AGMO: variants seen among roughly 807,000 people sequenced by gnomAD.
AGMO encodes the protein glyceryl-ether monooxygenase.
In AGMO, 75 loss-of-function variants were observed where a neutral mutation model predicts 60.2. The ratio of observed to expected loss-of-function variants is 1.25; its 90% CI spans 1.03 to 1.51. The LOEUF (loss-of-function observed/expected upper bound fraction) is 1.51. AGMO is among the 40% of genes most tolerant of loss of function. The pLI, the probability that AGMO is intolerant of heterozygous loss-of-function variation, is 0.00. For missense variants in AGMO, 763 were observed against 525.5 expected (o/e 1.45, Z -4.42); for synonymous variants, 261 against 177.1 (o/e 1.47, Z -3.76).
Position 15,380,979 on chromosome 7 carries a change from T to C in AGMO, c.1074+4467A>G, listed in dbSNP as rs144944867. On this transcript the variant is annotated intron_variant, in intron 10 of 12. Transcript: ENST00000342526. ...TGGTGCTGGGATAACTGCCTAGCCA[T>C]ATGCAGAAGATTCAAACTGGACCCC... 5.3e-5 allele frequency among the ~76,000 whole-genome samples: 8 copies of C among 152,312 alleles called. No homozygotes were observed. The East Asian group carries it at 1.3e-3, about 26-fold the overall frequency.
chr7:15,402,516 C>T (rs528612469), intron 5 of AGMO, among the ~76,000 whole-genome samples: 15 of 150,550 alleles, frequency 1.0e-4, no homozygotes, highest in Non-Finnish European at 2.2e-4. Context: ...AAGATATTCC[C>T]ATATTCTCAT....
At chr7:15,345,756 C>T (rs1443263907) in intron 12 of AGMO, among the ~76,000 whole-genome samples, 2 of 152,136 alleles carry the variant, frequency 1.3e-5, no homozygotes. Flanking sequence ...CTGCAGAAAG[C>T]TTGATAACTT....
intron 12 of AGMO, among the ~76,000 whole-genome samples, chr7:15,334,863 T>C (rs1164622369): frequency 6.6e-6 from 1 of 152,164 alleles, no homozygotes; most frequent in Non-Finnish European, 1.5e-5. Context: ...GAGCAAAACC[T>C]AGCTATAAAT....
At chr7:15,304,421 A>G (rs1485739772) in intron 12 of AGMO, among the ~76,000 whole-genome samples, 1 of 152,106 alleles carries the variant, frequency 6.6e-6, no homozygotes, top group African/African-American at 2.4e-5. Context: ...AATTTTGGGT[A>G]CAATCTCAAA....
intron 12 of AGMO, among the ~76,000 whole-genome samples, chr7:15,208,448 A>G (rs1268507602): frequency 6.6e-6 from 1 of 152,152 alleles, no homozygotes; most frequent in Non-Finnish European, 1.5e-5. Context: ...ATGAGAAGAA[A>G]ATTTTTTAAA....
At chr7:15,368,628 T>C (rs959216729) in intron 10 of AGMO, among the ~76,000 whole-genome samples, 3 of 151,968 alleles carry the variant, frequency 2.0e-5, no homozygotes, top group African/African-American at 4.8e-5. Flanking sequence ...TGGCACAGAG[T>C]AAAAAAGTCA....
At chr7:15,432,260 GGTACATA>G (rs1026231600) in intron 3 of AGMO, among the ~76,000 whole-genome samples, 1 of 149,874 alleles carries the variant, frequency 6.7e-6, no homozygotes, top group African/African-American at 2.4e-5. Flanking sequence ...TAAAATGCAT[GGTACATA>G]GTAGAATAAT....
At chr7:15,175,014 C>A in the AGMO span, among the ~76,000 whole-genome samples, 1 of 151,406 alleles carries the variant, frequency 6.6e-6, no homozygotes, top group Non-Finnish European at 1.5e-5. Flanking sequence ...CAATATATAT[C>A]CTTTAAAACT....
intron 12 of AGMO, among the ~76,000 whole-genome samples, chr7:15,334,984 G>A (rs1781609232): frequency 6.6e-6 from 1 of 152,074 alleles, no homozygotes; most frequent in Non-Finnish European, 1.5e-5. Context: ...TGTCTGTTTG[G>A]ATTTTTATTG....
chr7:15,266,326 T>A (rs1445179538), intron 12 of AGMO, among the ~76,000 whole-genome samples: 1 of 151,946 alleles, frequency 6.6e-6, no homozygotes, highest in Non-Finnish European at 1.5e-5. Flanking sequence ...TAAATGTACA[T>A]CCTCTCATTG....
chr7:15,165,136 A>G, the AGMO span, among the ~76,000 whole-genome samples: 1 of 152,206 alleles, frequency 6.6e-6, no homozygotes, highest in African/African-American at 2.4e-5. Flanking sequence ...TTCAAGATAT[A>G]GACAAATATC....
chr7:15,448,456 C>T (rs1781762704), intron 3 of AGMO, among the ~76,000 whole-genome samples: 1 of 152,100 alleles, frequency 6.6e-6, no homozygotes, highest in South Asian at 2.1e-4. Context: ...AAAAAATAAA[C>T]TTCTAATGTT....
At chr7:15,386,622 A>T (rs1488201374) in intron 9 of AGMO, among the ~76,000 whole-genome samples, 1 of 152,216 alleles carries the variant, frequency 6.6e-6, no homozygotes, top group Non-Finnish European at 1.5e-5. Context: ...GGATTTTTTC[A>T]AAATAACAGT....
chr7:15,351,826 T>C (rs1203520144), intron 12 of AGMO, among the ~76,000 whole-genome samples: 2 of 152,216 alleles, frequency 1.3e-5, no homozygotes, highest in East Asian at 3.8e-4. Flanking sequence ...AAATTATTTT[T>C]AAATCTGTTT....
Position 15,451,045 on chromosome 7 carries a change from T to A in AGMO, c.410-19937A>T, listed in dbSNP as rs562738580. On this transcript the variant is annotated intron_variant, in intron 3 of 12. Coordinates refer to ENST00000342526, the MANE Select transcript of AGMO (RefSeq NM_001004320.2). ...TAAATATGTTAGAAAAATTGCCTATTGTCACATTTTATTATATGAAAATTA... is the reference window on the plus strand; with the variant it reads ...TAAATATGTTAGAAAAATTGCCTATAGTCACATTTTATTATATGAAAATTA... Among the ~76,000 whole-genome samples, 3 of 146,510 alleles carry A rather than the reference T, an allele frequency of 2.0e-5. No homozygotes were observed. In the Admixed American group the frequency reaches 2.1e-4, roughly 10 times the overall value.
intron 2 of AGMO, among the ~76,000 whole-genome samples, chr7:15,558,842 T>A (rs899731873): frequency 6.6e-6 from 1 of 152,132 alleles, no homozygotes; most frequent in African/African-American, 2.4e-5. Context: ...TGTTATTTTT[T>A]AAAAATCCAC....
chr7:15,212,358 G>C (rs1026517217), intron 12 of AGMO, among the ~76,000 whole-genome samples: 2 of 151,418 alleles, frequency 1.3e-5, no homozygotes, highest in African/African-American at 2.4e-5. Context: ...GTCTCTATTA[G>C]GTTGTATTCA....
chr7:15,516,492 G>A (rs1783809495), intron 3 of AGMO, among the ~76,000 whole-genome samples: 1 of 151,976 alleles, frequency 6.6e-6, no homozygotes, highest in African/African-American at 2.4e-5. Context: ...ACTGTTAAAT[G>A]GTTTAAAAAG....
At chr7:15,386,124 T>G (rs1381705478) in intron 9 of AGMO, among the ~76,000 whole-genome samples, 1 of 151,568 alleles carries the variant, frequency 6.6e-6, no homozygotes, top group Non-Finnish European at 1.5e-5. Context: ...GAGGCTGCAG[T>G]GAGCCAGGAC....
Sources: allele counts gnomAD v4.1 joint callset (sites outside exome capture counted in the v4.1 genomes callset), GRCh38; gene constraint gnomAD v4.1.1; transcripts MANE v1.5; gene names NCBI Gene and HGNC (gene_info 2026-07-23, HGNC 2026-07-21).